The following SAXO1 variants were observed in gnomAD, a reference collection of about 807,000 sequenced individuals.
The protein encoded by SAXO1 is stabilizer of axonemal microtubules 1.
SAXO1 carries 21 observed loss-of-function variants against 17.5 expected under a neutral mutation model. The ratio of observed to expected loss-of-function variants is 1.20; its 90% CI spans 0.85 to 1.72. The LOEUF (loss-of-function observed/expected upper bound fraction) is 1.72. Among genes scored for constraint, SAXO1 ranks in the 40% most tolerant of loss-of-function variants. The probability of loss-of-function intolerance (pLI) is 0.00; values close to 1 mark genes in which losing one functional copy is unlikely to be tolerated. For missense variants in SAXO1, 843 were observed against 596.0 expected (o/e 1.41, Z -4.32); for synonymous variants, 274 against 216.5 (o/e 1.27, Z -2.33).
intron 1 of SAXO1, among the ~76,000 whole-genome samples, chr9:19,040,011 G>A (rs566705233): frequency 1.5e-3 from 232 of 152,272 alleles, no homozygotes; most frequent in Non-Finnish European, 2.7e-3. Context: ...TTACAGGTGT[G>A]AGCCACTGTA....
At position 18,941,716 on chromosome 9, in the gene SAXO1, G is replaced by C; in HGVS notation, c.342C>G (p.Val114=). The part of the protein sequence containing the change: ...TYKKDYNPYP[V]CRVDPIKPRD... ...GAGGTTTGATGGGGTCCACTCGACA[G>C]ACAGGGTAGGGATTGTAATCTTTCT... is the stretch of plus-strand genomic sequence containing the variant. The change falls in exon 3 of 4, where the codon GTC becomes GTG. Residue 114 remains valine, a synonymous_variant. Transcript: ENST00000380534. 6.2e-7 allele frequency: 1 copy of C among 1,614,214 alleles called. No individual in the cohort carries two copies. Among genetic ancestry groups the C allele is most frequent in the Non-Finnish European group, 8.5e-7 (1 of 1,180,034 alleles).
chr9:19,026,931 G>T, intron 1 of SAXO1: 1 of 824,546 alleles, frequency 1.2e-6, no homozygotes, highest in Non-Finnish European at 2.1e-6. Flanking sequence ...AGATGGAACT[G>T]GGGTGGAGGT....
intron 1 of SAXO1, among the ~76,000 whole-genome samples, chr9:19,012,527 G>T (rs1156949895): frequency 2.0e-5 from 3 of 152,214 alleles, no homozygotes; most frequent in African/African-American, 7.2e-5. Flanking sequence ...CCATATGGGG[G>T]ACGGTGGGCA....
chr9:18,979,196 C>T (rs1018451294), intron 1 of SAXO1, among the ~76,000 whole-genome samples: 2 of 152,176 alleles, frequency 1.3e-5, no homozygotes, highest in African/African-American at 4.8e-5. Flanking sequence ...TTGAGATAGA[C>T]TTGCAGCCTC....
chr9:19,027,960 G>A, intron 1 of SAXO1: 3 of 1,492,306 alleles, frequency 2.0e-6, no homozygotes, highest in South Asian at 1.1e-5. Context: ...GAACTGCGAG[G>A]GAGCTGACCC....
chr9:18,969,832 A>T (rs1588458143), intron 1 of SAXO1, among the ~76,000 whole-genome samples: 4 of 152,354 alleles, frequency 2.6e-5, no homozygotes, highest in Non-Finnish European at 5.9e-5. Context: ...GGCTGCCGCC[A>T]CCACCAATAT....
intron 1 of SAXO1, among the ~76,000 whole-genome samples, chr9:18,997,245 A>G (rs561714734): frequency 6.6e-6 from 1 of 152,368 alleles, no homozygotes; most frequent in African/African-American, 2.4e-5. Context: ...CTGCCCAAGT[A>G]CTGCACTTTT....
intron 1 of SAXO1, among the ~76,000 whole-genome samples, chr9:19,031,336 C>T (rs1303884102): frequency 3.3e-5 from 5 of 151,942 alleles, no homozygotes; most frequent in Admixed American, 6.5e-5. Flanking sequence ...CCGAGGCAGG[C>T]GATCACCTGA....
At chr9:18,941,551 C>G (rs972780565) in intron 3 of SAXO1, 86 bp downstream of exon 3, 1 of 1,488,190 alleles carries the variant, frequency 6.7e-7, no homozygotes, top group Admixed American at 1.7e-5. Context: ...CTTGCACTAA[C>G]TGAGTATGCA....
chr9:19,009,491 A>C (rs1336929624), intron 1 of SAXO1, among the ~76,000 whole-genome samples: 1 of 152,214 alleles, frequency 6.6e-6, no homozygotes, highest in Non-Finnish European at 1.5e-5. Context: ...GACGTGGCAA[A>C]AAGGGGGAAG....
intron 1 of SAXO1, among the ~76,000 whole-genome samples, chr9:18,987,464 T>C (rs1045151505): frequency 2.0e-5 from 3 of 152,218 alleles, no homozygotes; most frequent in African/African-American, 7.2e-5. Context: ...TTAACTAATA[T>C]GCTAAGGCAA....
chr9:18,995,445 C>A (rs923343178), intron 1 of SAXO1, among the ~76,000 whole-genome samples: 2 of 152,192 alleles, frequency 1.3e-5, no homozygotes, highest in African/African-American at 4.8e-5. Flanking sequence ...GTCACCTAGG[C>A]TTACTGTCTG....
At chr9:19,034,144 A>C (rs978300996), upstream of SAXO1, among the ~76,000 whole-genome samples, 1 of 152,232 alleles carries the variant, frequency 6.6e-6, no homozygotes, top group African/African-American at 2.4e-5. Context: ...ATGGGAGCTT[A>C]AAGTATTGAC....
chr9:19,037,375 G>C (rs576365896), upstream of SAXO1, among the ~76,000 whole-genome samples: 1 of 152,276 alleles, frequency 6.6e-6, no homozygotes, highest in South Asian at 2.1e-4. Flanking sequence ...GTTTGGCTCT[G>C]TGTCCCCACC....
chr9:18,977,825 C>T (rs1833210107), intron 1 of SAXO1, among the ~76,000 whole-genome samples: 1 of 151,900 alleles, frequency 6.6e-6, no homozygotes, highest in South Asian at 2.1e-4. Context: ...AAAACCCCGT[C>T]TCTACCAAAA....
At chr9:18,976,701 T>C (rs1021004258) in intron 1 of SAXO1, among the ~76,000 whole-genome samples, 3 of 152,236 alleles carry the variant, frequency 2.0e-5, no homozygotes, top group Non-Finnish European at 2.9e-5. Flanking sequence ...CTGAGTCTTG[T>C]GGTTGTAATC....
chr9:18,932,233 G>A (rs371879301), intron 3 of SAXO1, among the ~76,000 whole-genome samples: 8 of 152,098 alleles, frequency 5.3e-5, no homozygotes, highest in Admixed American at 1.3e-4. Context: ...CGGTAACTTC[G>A]TCTTTTTGCA....
At chr9:19,000,648 G>A (rs937539675) in intron 1 of SAXO1, among the ~76,000 whole-genome samples, 2 of 152,188 alleles carry the variant, frequency 1.3e-5, no homozygotes, top group African/African-American at 4.8e-5. Flanking sequence ...CCTTGTGTGT[G>A]ATCCTTCTGC....
chr9:19,016,206 C>T (rs547511673), intron 1 of SAXO1, among the ~76,000 whole-genome samples: 4 of 152,160 alleles, frequency 2.6e-5, no homozygotes, highest in South Asian at 4.1e-4. Flanking sequence ...GAGGCCGAGG[C>T]GGGTGGATCC....
Sources: gnomAD v4.1 joint callset for allele counts (sites outside exome capture counted in the v4.1 genomes callset) on GRCh38, gnomAD v4.1.1 for gene constraint, MANE v1.5 for transcripts, NCBI Gene and HGNC (gene_info 2026-07-23, HGNC 2026-07-21) for gene names.